PLCB1: variants seen among roughly 807,000 people sequenced by gnomAD.
The protein encoded by PLCB1 is phospholipase C beta 1.
PLCB1 carries 46 observed loss-of-function variants against 161.8 expected under a neutral mutation model. The ratio of observed to expected loss-of-function variants is 0.28; its 90% CI spans 0.22 to 0.36. The LOEUF (loss-of-function observed/expected upper bound fraction) is 0.36, where lower values mean the gene tolerates loss of function less well. Ranked by LOEUF, PLCB1 falls within the 10% of genes least tolerant of loss-of-function variation. The pLI, the probability that PLCB1 is intolerant of heterozygous loss-of-function variation, is 1.00. For missense variants in PLCB1, 1,016 were observed against 1,472.5 expected, an observed-to-expected ratio of 0.69 and a Z score of 5.07; for synonymous variants, 517 against 503.7, an observed-to-expected ratio of 1.03 and a Z score of -0.35.
intron 31 of PLCB1, among the ~76,000 whole-genome samples, chr20:8,803,862 C>T (rs1165486837): frequency 6.6e-6 from 1 of 151,988 alleles, no homozygotes; most frequent in African/African-American, 2.4e-5. Context: ...GGCGCAATCT[C>T]AGCTCACCAC....
At chr20:8,523,469 T>G (rs1388932319) in intron 3 of PLCB1, among the ~76,000 whole-genome samples, 1 of 60,370 alleles carries the variant, frequency 1.7e-5, no homozygotes, top group Admixed American at 1.8e-4. Context: ...TATTTGGCTC[T>G]CTCTCTCTCT....
At chr20:8,187,040 A>T (rs545714125) in intron 2 of PLCB1, among the ~76,000 whole-genome samples, 1 of 152,240 alleles carries the variant, frequency 6.6e-6, no homozygotes, top group African/African-American at 2.4e-5. Flanking sequence ...CCCTATAGGG[A>T]TTCTTACCAG....
At chr20:8,446,033 G>A (rs1185156520) in intron 3 of PLCB1, among the ~76,000 whole-genome samples, 1 of 152,154 alleles carries the variant, frequency 6.6e-6, no homozygotes, top group East Asian at 1.9e-4. Flanking sequence ...CAGAAAAAGA[G>A]GGAATCCTCC....
At chr20:8,257,154 C>T (rs1981466341) in intron 2 of PLCB1, among the ~76,000 whole-genome samples, 1 of 152,140 alleles carries the variant, frequency 6.6e-6, no homozygotes, top group African/African-American at 2.4e-5. Flanking sequence ...ACCTGGAGAA[C>T]ATAATTCCTA....
At chr20:8,166,772 T>C (rs753094808) in intron 2 of PLCB1, among the ~76,000 whole-genome samples, 4 of 152,124 alleles carry the variant, frequency 2.6e-5, no homozygotes, top group African/African-American at 4.8e-5. Flanking sequence ...CCTTTTGTGC[T>C]CCGTCCACAA....
At chr20:8,253,452 G>T (rs771091315) in intron 2 of PLCB1, among the ~76,000 whole-genome samples, 1 of 151,862 alleles carries the variant, frequency 6.6e-6, no homozygotes, top group African/African-American at 2.4e-5. Flanking sequence ...TTATCCTCAG[G>T]TGACTTTAAT....
chr20:8,576,065 A>G (rs1227951469), intron 3 of PLCB1, among the ~76,000 whole-genome samples: 1 of 152,202 alleles, frequency 6.6e-6, no homozygotes, highest in Admixed American at 6.5e-5. Context: ...AAACTGCAAT[A>G]AGCTTCTATA....
At chr20:8,839,855 G>GC (rs1339552338) in intron 31 of PLCB1, among the ~76,000 whole-genome samples, 2 of 151,440 alleles carry the variant, frequency 1.3e-5, no homozygotes, top group Non-Finnish European at 2.9e-5. Flanking sequence ...ACATGGCAAA[G>GC]CCCGGTCTCT....
chr20:8,605,848 C>T (rs1970139445), intron 3 of PLCB1, among the ~76,000 whole-genome samples: 1 of 148,730 alleles, frequency 6.7e-6, no homozygotes, highest in East Asian at 2.0e-4. Context: ...TCTTTCTGTC[C>T]ATGTGTACCC....
At chr20:8,293,149 G>A (rs1983463460) in intron 2 of PLCB1, among the ~76,000 whole-genome samples, 1 of 152,106 alleles carries the variant, frequency 6.6e-6, no homozygotes, top group African/African-American at 2.4e-5. Context: ...AGCTCACAGT[G>A]GTGGATACAA....
At chr20:8,476,495 CTAAAGT>C (rs1169082374) in intron 3 of PLCB1, among the ~76,000 whole-genome samples, 2 of 152,178 alleles carry the variant, frequency 1.3e-5, no homozygotes, top group East Asian at 1.9e-4. Context: ...TGGCTGGATG[CTAAAGT>C]TAATTTCCTT....
At chr20:8,317,223 G>C (rs1364084487) in intron 2 of PLCB1, among the ~76,000 whole-genome samples, 2 of 152,122 alleles carry the variant, frequency 1.3e-5, no homozygotes, top group Non-Finnish European at 2.9e-5. Flanking sequence ...ATGCATAAAA[G>C]TGCTTTAGAA....
chr20:8,789,623 T>C, intron 30 of PLCB1, 48 bp downstream of exon 30: 1 of 1,374,140 alleles, frequency 7.3e-7, no homozygotes, highest in African/African-American at 1.4e-5. Context: ...TGTGTGAACA[T>C]TTGGTGAGCT....
At chr20:8,388,884 A>T (rs1049869544) in intron 3 of PLCB1, among the ~76,000 whole-genome samples, 1 of 152,128 alleles carries the variant, frequency 6.6e-6, no homozygotes, top group African/African-American at 2.4e-5. Flanking sequence ...TTCCTTGGAA[A>T]CAAAAACCTT....
At chr20:8,834,769 C>T (rs752318615) in intron 31 of PLCB1, among the ~76,000 whole-genome samples, 38 of 140,892 alleles carry the variant, frequency 2.7e-4, no homozygotes, top group Non-Finnish European at 3.9e-4. Flanking sequence ...GAGCCAAGTC[C>T]GCGCCACTGC....
chr20:8,238,200 T>C (rs1252818525), intron 2 of PLCB1, among the ~76,000 whole-genome samples: 3 of 152,008 alleles, frequency 2.0e-5, no homozygotes, highest in African/African-American at 7.2e-5. Context: ...AGCCAAGGTA[T>C]GACTGTGATT....
intron 3 of PLCB1, among the ~76,000 whole-genome samples, chr20:8,552,929 A>C (rs1985821902): frequency 6.6e-6 from 1 of 152,118 alleles, no homozygotes; most frequent in African/African-American, 2.4e-5. Context: ...TCAGGGAGTT[A>C]TTGAGAATTT....
intron 2 of PLCB1, among the ~76,000 whole-genome samples, chr20:8,205,427 A>G (rs1288711365): frequency 6.6e-6 from 1 of 152,220 alleles, no homozygotes; most frequent in Non-Finnish European, 1.5e-5. Flanking sequence ...TAAATGATGT[A>G]GGATGAAATT....
In PLCB1 at chr20:8,708,281, G is replaced by C. The variant is rs112847246; in HGVS notation, c.1168-389G>C. ...TAAATACATGAGAGACAGACTAGAA[G>C]TGAATATAATGAAATGCTAACAATG... On this transcript the variant is annotated intron_variant, in intron 11 of 31. Transcript: ENST00000338037. 8.8e-3 allele frequency among the ~76,000 whole-genome samples: 1,336 copies of C among 152,282 alleles called. 24 individuals are homozygous for C. The highest frequency in any genetic ancestry group is 0.031 in the African/African-American group (1,281 of 41,562).
Sources: allele counts gnomAD v4.1 joint callset (sites outside exome capture counted in the v4.1 genomes callset), GRCh38; gene constraint gnomAD v4.1.1; transcripts MANE v1.5; gene names NCBI Gene and HGNC (gene_info 2026-07-23, HGNC 2026-07-21).